Variants in RUNX1T1 observed in about 807,000 individuals in gnomAD.
The protein encoded by RUNX1T1 is protein CBFA2T1.
RUNX1T1 carries 4 observed loss-of-function variants against 62.8 expected under a neutral mutation model. That is an observed-to-expected ratio of 0.06 (90% CI 0.03 to 0.15). The LOEUF is 0.15. RUNX1T1 is among the 10% of genes least tolerant of loss of function. The pLI, the probability that RUNX1T1 is intolerant of heterozygous loss-of-function variation, is 1.00. For synonymous variants in RUNX1T1, 291 were observed against 286.0 expected (o/e 1.02, Z -0.18); for missense variants, 508 against 754.3 (o/e 0.67, Z 3.82).
At chr8:92,090,190 CTT>C (rs113019970) in intron 1 of RUNX1T1, among the ~76,000 whole-genome samples, 7 of 141,410 alleles carry the variant, frequency 5.0e-5, no homozygotes, top group Admixed American at 7.1e-5. Flanking sequence ...ACACCAGGTC[CTT>C]TTTTTTTTTT....
chr8:91,979,422 C>A (rs765728723), intron 8 of RUNX1T1, among the ~76,000 whole-genome samples: 2 of 152,068 alleles, frequency 1.3e-5, no homozygotes, highest in Admixed American at 1.3e-4. Flanking sequence ...TATAAAATAT[C>A]AATTGCTAGA....
At chr8:92,035,280 A>G (rs1827198672) in intron 1 of RUNX1T1, among the ~76,000 whole-genome samples, 1 of 136,974 alleles carries the variant, frequency 7.3e-6, no homozygotes, top group Non-Finnish European at 1.6e-5. Context: ...GAGCGATAAG[A>G]GTGAAATTCC....
At chr8:92,041,366 G>A (rs1828423487) in intron 1 of RUNX1T1, among the ~76,000 whole-genome samples, 1 of 152,160 alleles carries the variant, frequency 6.6e-6, no homozygotes, top group African/African-American at 2.4e-5. Flanking sequence ...GCTTTGTTTG[G>A]CTTACTTGCT....
At chr8:91,960,488 A>C in exon 11 of RUNX1T1, 1 of 1,614,168 alleles carries the variant, frequency 6.2e-7, no homozygotes, top group Non-Finnish European at 8.5e-7. Context: ...TGCAGGTTTC[A>C]CTCGCTTTAC....
At chr8:91,956,385 G>A, downstream of RUNX1T1, 1 of 230,334 alleles carries the variant, frequency 4.3e-6, no homozygotes, top group East Asian at 6.1e-5. Flanking sequence ...GCCACGCTTT[G>A]TAGCTGAATA....
intron 8 of RUNX1T1, 21 bp from the exon 10 acceptor site, chr8:91,975,994 G>C (rs762177548): frequency 1.9e-6 from 3 of 1,586,376 alleles, no homozygotes; most frequent in Non-Finnish European, 2.6e-6. Flanking sequence ...GATGGGAAGG[G>C]GGTGGAGAGA....
chr8:92,027,111 G>T (rs1317659846), intron 1 of RUNX1T1, among the ~76,000 whole-genome samples: 1 of 117,862 alleles, frequency 8.5e-6, no homozygotes, highest in African/African-American at 3.2e-5. Context: ...GCGAAACTCC[G>T]TCTCAAAAAA....
intron 1 of RUNX1T1, among the ~76,000 whole-genome samples, chr8:92,055,454 T>A (rs904864175): frequency 6.6e-6 from 1 of 152,198 alleles, no homozygotes; most frequent in African/African-American, 2.4e-5. Context: ...TTATTAATTT[T>A]TTTTTGAGAC....
intron 1 of RUNX1T1, among the ~76,000 whole-genome samples, chr8:92,047,497 C>A (rs1426820070): frequency 6.6e-6 from 1 of 152,102 alleles, no homozygotes; most frequent in Admixed American, 6.6e-5. Context: ...TGTTCACTCC[C>A]ACACCCCACC....
At chr8:91,961,090 A>G (rs918540226) in intron 10 of RUNX1T1, among the ~76,000 whole-genome samples, 1 of 152,216 alleles carries the variant, frequency 6.6e-6, no homozygotes, top group South Asian at 2.1e-4. Context: ...CTTTCAGTGC[A>G]TCCATTCAGT....
intron 1 of RUNX1T1, among the ~76,000 whole-genome samples, chr8:92,029,062 T>C (rs1238419898): frequency 6.6e-6 from 1 of 152,160 alleles, no homozygotes; most frequent in Non-Finnish European, 1.5e-5. Context: ...ATCATCCAGA[T>C]AGTAATTAGC....
chr8:92,100,281 A>G (rs555090265), upstream of RUNX1T1, among the ~76,000 whole-genome samples: 204 of 152,302 alleles, frequency 1.3e-3, no homozygotes, highest in Non-Finnish European at 2.6e-3. Flanking sequence ...CAAACATAAA[A>G]GAAAAAATAG....
At chr8:92,044,773 TA>T (rs1563834914) in intron 1 of RUNX1T1, among the ~76,000 whole-genome samples, 1 of 152,170 alleles carries the variant, frequency 6.6e-6, no homozygotes, top group African/African-American at 2.4e-5. Flanking sequence ...AAAAAGCAAG[TA>T]AAAGGAGGGA....
chr8:92,056,731 T>C (rs1831103161), intron 1 of RUNX1T1, among the ~76,000 whole-genome samples: 1 of 152,162 alleles, frequency 6.6e-6, no homozygotes, highest in South Asian at 2.1e-4. Flanking sequence ...GGCAGAGCCA[T>C]GGATACCCAC....
exon 11 of RUNX1T1, chr8:91,958,959 T>TA (rs1809806778): frequency 5.0e-6 from 1 of 201,576 alleles, no homozygotes; most frequent in Non-Finnish European, 1.0e-5. Flanking sequence ...TTTTTCCTTT[T>TA]TTTTTTTTTA....
At chr8:92,091,538 T>C (rs934565134) in intron 1 of RUNX1T1, among the ~76,000 whole-genome samples, 1 of 152,216 alleles carries the variant, frequency 6.6e-6, no homozygotes, top group Non-Finnish European at 1.5e-5. Context: ...GTTGGTGTCA[T>C]GTAAGGTACC....
At chr8:92,101,749 T>G (rs1267267678), upstream of RUNX1T1, among the ~76,000 whole-genome samples, 8 of 152,024 alleles carry the variant, frequency 5.3e-5, no homozygotes, top group Non-Finnish European at 1.2e-4. Context: ...TTACAAAAAA[T>G]AAAAAATAGC....
intron 1 of RUNX1T1, chr8:92,099,528 G>T: frequency 1.5e-6 from 1 of 649,498 alleles, no homozygotes; most frequent in Non-Finnish European, 1.9e-6. Flanking sequence ...ACCTTTAAAT[G>T]CCCAAACAGC....
chr8:91,997,209 T>C (rs78940316), intron 5 of RUNX1T1, among the ~76,000 whole-genome samples: 1,630 of 152,262 alleles, frequency 0.011, 21 homozygotes, highest in African/African-American at 0.037. Flanking sequence ...GTGCTGGTAA[T>C]CCCTTTAGTA....
Sources: gnomAD v4.1 joint callset for allele counts (sites outside exome capture counted in the v4.1 genomes callset) on GRCh38, gnomAD v4.1.1 for gene constraint, MANE v1.5 for transcripts, NCBI Gene and HGNC (gene_info 2026-07-23, HGNC 2026-07-21) for gene names.